Variants in PDE10A observed in about 807,000 individuals in gnomAD.
PDE10A encodes cAMP and cAMP-inhibited cGMP 3',5'-cyclic phosphodiesterase 10A.
Under a neutral mutation model 97.7 loss-of-function variants are expected in PDE10A, and 39 were observed. The ratio of observed to expected loss-of-function variants is 0.40; its 90% CI spans 0.31 to 0.52. PDE10A has a LOEUF of 0.52. PDE10A is among the 20% of genes least tolerant of loss of function. PDE10A has a pLI of 0.56. For missense variants in PDE10A, 731 were observed against 1,047.8 expected (o/e 0.70, Z 4.17); for synonymous variants, 371 against 376.8 (o/e 0.98, Z 0.18).
chr6:165,545,310 T>C, intron 1 of PDE10A: 1 of 427,906 alleles, frequency 2.3e-6, no homozygotes, highest in East Asian at 6.8e-5. Context: ...TCCCATCACC[T>C]CAAGCTCCAT....
chr6:165,708,773 C>T (rs1191751186), intron 1 of PDE10A, among the ~76,000 whole-genome samples: 1 of 138,274 alleles, frequency 7.2e-6, no homozygotes, highest in African/African-American at 2.7e-5. Context: ...CGCTCACCCC[C>T]CACTCTCCAC....
chr6:165,544,273 A>C (rs1783622269), intron 1 of PDE10A, among the ~76,000 whole-genome samples: 1 of 152,240 alleles, frequency 6.6e-6, no homozygotes, highest in Non-Finnish European at 1.5e-5. Context: ...AATAATCTTG[A>C]CATTTATTCG....
At chr6:165,600,355 T>G (rs772583424) in intron 1 of PDE10A, among the ~76,000 whole-genome samples, 1 of 152,166 alleles carries the variant, frequency 6.6e-6, no homozygotes, top group Non-Finnish European at 1.5e-5. Context: ...GTGAATGAGT[T>G]CTCTGTAAAG....
chr6:165,833,177 A>C (rs1779973177), intron 1 of PDE10A, among the ~76,000 whole-genome samples: 1 of 152,216 alleles, frequency 6.6e-6, no homozygotes. Flanking sequence ...GACACTACAC[A>C]ATGAAATTCA....
At chr6:165,383,399 A>G (rs1785054136) in intron 17 of PDE10A, among the ~76,000 whole-genome samples, 1 of 152,214 alleles carries the variant, frequency 6.6e-6, no homozygotes, top group Admixed American at 6.5e-5. Flanking sequence ...TTTAGGCAAG[A>G]AAACAAAGCT....
chr6:165,979,693 G>A (rs1473186687), intron 1 of PDE10A, among the ~76,000 whole-genome samples: 1 of 152,108 alleles, frequency 6.6e-6, no homozygotes, highest in Non-Finnish European at 1.5e-5. Flanking sequence ...CCCACACGGT[G>A]GAAATGTCAC....
intron 18 of PDE10A, among the ~76,000 whole-genome samples, chr6:165,367,307 A>C (rs987019678): frequency 7.0e-6 from 1 of 142,014 alleles, no homozygotes; most frequent in Non-Finnish European, 1.5e-5. Flanking sequence ...CATGAGGTTA[A>C]CTACAGATTG....
chr6:165,972,001 G>C (rs765492354), intron 1 of PDE10A, among the ~76,000 whole-genome samples: 1 of 152,048 alleles, frequency 6.6e-6, no homozygotes, highest in South Asian at 2.1e-4. Flanking sequence ...TAGCAATCAC[G>C]GCATAAATAA....
At chr6:165,918,884 C>G (rs1222164988) in intron 1 of PDE10A, among the ~76,000 whole-genome samples, 1 of 152,012 alleles carries the variant, frequency 6.6e-6, no homozygotes, top group Non-Finnish European at 1.5e-5. Flanking sequence ...TGTTTGCGAC[C>G]TGTTGATGAG....
In PDE10A at chr6:165,648,335, T is replaced by A. The variant is rs142687912; in HGVS notation, c.865+13612A>T. ...CCTTACATATGCATTTCTTAACACATCAGACCATCCACTGTTTCTTACTGA... is the reference window on the plus strand; with the variant it reads ...CCTTACATATGCATTTCTTAACACAACAGACCATCCACTGTTTCTTACTGA... On this transcript the variant is annotated intron_variant, in intron 1 of 21. Coordinates refer to ENST00000539869, the MANE Select transcript of PDE10A (RefSeq NM_001385079.1). Among the ~76,000 whole-genome samples, 69 of 151,622 alleles carry A rather than the reference T, an allele frequency of 4.6e-4. 1 individual carries two copies. Among genetic ancestry groups the A allele is most frequent in the Admixed American group, 2.7e-3 (41 of 15,214 alleles).
chr6:165,435,180 T>A (rs1789908439), intron 6 of PDE10A, 57 bp downstream of exon 6: 3 of 1,418,826 alleles, frequency 2.1e-6, no homozygotes, highest in Non-Finnish European at 2.9e-6. Context: ...ATATGCCATC[T>A]TTCTTAATTA....
chr6:165,836,362 C>A (rs1315938668), intron 1 of PDE10A, among the ~76,000 whole-genome samples: 1 of 152,208 alleles, frequency 6.6e-6, no homozygotes, highest in Non-Finnish European at 1.5e-5. Context: ...AAAGTTCTGA[C>A]CGGCGCACGT....
chr6:165,370,563 A>T (rs1243366383), intron 18 of PDE10A, among the ~76,000 whole-genome samples: 5 of 149,776 alleles, frequency 3.3e-5, no homozygotes, highest in African/African-American at 9.8e-5. Context: ...ATACAGGAGC[A>T]CCCAGATTCA....
intron 1 of PDE10A, among the ~76,000 whole-genome samples, chr6:165,853,253 A>G (rs1179719379): frequency 6.6e-6 from 1 of 152,158 alleles, no homozygotes; most frequent in Non-Finnish European, 1.5e-5. Context: ...GCCATTTCAC[A>G]TTGGAAAACA....
chr6:165,658,840 A>G (rs1341700602), intron 1 of PDE10A, among the ~76,000 whole-genome samples: 1 of 152,194 alleles, frequency 6.6e-6, no homozygotes, highest in African/African-American at 2.4e-5. Flanking sequence ...GATGAGGTGA[A>G]GTCAGGAATG....
rs181987238 is a variant in PDE10A at position 165,749,655 on chromosome 6, T to G, written c.-614-206087A>C. Among the ~76,000 whole-genome samples, 490 of 152,376 alleles carry G rather than the reference T, an allele frequency of 3.2e-3. 3 individuals are homozygous for G. Among genetic ancestry groups the G allele is most frequent in the African/African-American group, 0.011 (451 of 41,598 alleles). ...ATGCACCTTTTAATGCACCTCCATA[T>G]TGACACACTTACAGATTAATTCTGG... On this transcript the variant is annotated intron_variant, in intron 1 of 19. Coordinates refer to the PDE10A transcript ENST00000366882.
intron 13 of PDE10A, among the ~76,000 whole-genome samples, chr6:165,397,045 G>A (rs547875956): frequency 6.6e-4 from 100 of 152,266 alleles, no homozygotes; most frequent in African/African-American, 2.3e-3. Context: ...GCATTCGTCA[G>A]TCATAGACTG....
intron 2 of PDE10A, among the ~76,000 whole-genome samples, chr6:165,515,716 G>A (rs1245419483): frequency 6.6e-6 from 1 of 151,830 alleles, no homozygotes; most frequent in African/African-American, 2.4e-5. Flanking sequence ...TAGAGACGGG[G>A]ATTCACCATG....
At chr6:165,974,585 A>G (rs941849005) in intron 1 of PDE10A, among the ~76,000 whole-genome samples, 1 of 152,252 alleles carries the variant, frequency 6.6e-6, no homozygotes, top group Non-Finnish European at 1.5e-5. Flanking sequence ...GTAAGTATCA[A>G]TTTTGCTGAA....
Sources: allele counts gnomAD v4.1 joint callset (sites outside exome capture counted in the v4.1 genomes callset), GRCh38; gene constraint gnomAD v4.1.1; transcripts MANE v1.5; gene names NCBI Gene and HGNC (gene_info 2026-07-23, HGNC 2026-07-21).